Variants in SLC25A35 observed in about 807,000 individuals in gnomAD.
SLC25A35 encodes the protein solute carrier family 25, member 35.
In SLC25A35, 32 loss-of-function variants were observed where a neutral mutation model predicts 30.5. That is an observed-to-expected ratio of 1.05 (90% CI 0.79 to 1.41). The LOEUF (loss-of-function observed/expected upper bound fraction) is 1.41. Among genes scored for constraint, SLC25A35 ranks in the 40% most tolerant of loss-of-function variants. The pLI, the probability that SLC25A35 is intolerant of heterozygous loss-of-function variation, is 0.00. For synonymous variants in SLC25A35, 142 were observed against 158.1 expected (o/e 0.90, Z 0.77); for missense variants, 369 against 388.0 (o/e 0.95, Z 0.41).
chr17:8,291,388 G>A lies in SLC25A35; in HGVS notation c.539C>T (p.Ser180Phe). Residue 180 changes from serine to phenylalanine, a missense_variant, in exon 3 of 5, where the codon TCC (serine) becomes TTC (phenylalanine). Coordinates refer to ENST00000577745, the MANE Select transcript of SLC25A35 (RefSeq NM_001320870.2). ...TGAGAAGGTGCACAGCTGGGTGGAG[G>A]AACCGACGATAACTCGGGGCAGGCC... The part of the protein sequence containing the change: ...LGGLPRVIVG[S>F]STQLCTFSST... 11 of 1,614,134 alleles carry A rather than the reference G, an allele frequency of 6.8e-6. No individual in the cohort carries two copies. Among genetic ancestry groups the A allele is most frequent in the Non-Finnish European group, 9.3e-6 (11 of 1,180,032 alleles).
At chr17:8,289,304 C>T (rs1990291442), downstream of SLC25A35, 1 of 1,614,046 alleles carries the variant, frequency 6.2e-7, no homozygotes, top group South Asian at 1.1e-5. Flanking sequence ...TAGGGCTGTC[C>T]ATGTGGAGTC....
rs1450059874 is a variant in SLC25A35 at position 8,291,350 on chromosome 17, G to T, written c.577C>A (p.Leu193Ile). ...QLCTFSSTKD[L>I]LSQWEIFPPQ... ...GGCAGTACCTCCCACTGGCTCAGGA[G>T]GTCCTTGGTGGATGAGAAGGTGCAC... The change falls in exon 3 of 5, where the codon CTC becomes ATC. Residue 193 changes from leucine to isoleucine, a missense_variant. Leu to Ile is a conservative substitution (Grantham distance 5, BLOSUM62 2). Coordinates refer to ENST00000577745, the MANE Select transcript of SLC25A35 (RefSeq NM_001320870.2). 6.2e-7 allele frequency: 1 copy of T among 1,614,072 alleles called. No homozygotes were observed. The highest frequency in any genetic ancestry group is 8.5e-7 in the Non-Finnish European group (1 of 1,180,046).
At chr17:8,289,663 G>A (rs750928760), downstream of SLC25A35, 1 of 1,606,356 alleles carries the variant, frequency 6.2e-7, no homozygotes, top group African/African-American at 1.3e-5. Flanking sequence ...ACAGAACAGG[G>A]AGACTCACTG....
In SLC25A35 at chr17:8,290,540, G is replaced by C; in HGVS notation, c.868C>G (p.Gln290Glu). 2 of 1,536,112 alleles carry C rather than the reference G, an allele frequency of 1.3e-6. No homozygotes were observed. The highest frequency in any genetic ancestry group is 8.7e-7 in the Non-Finnish European group (1 of 1,146,880). ...TCTGTGTAGTAGAGGGAGCGCAGCT[G>C]GTCCCAGAAGAAGAGGGAGAGGATG... is the stretch of plus-strand genomic sequence containing the variant. ...HTILSLFFWD[Q>E]LRSLYYTDTK The change falls in exon 5 of 5, where the codon CAG becomes GAG. Residue 290 changes from glutamine to glutamate, a missense_variant. Coordinates refer to ENST00000577745, the MANE Select transcript of SLC25A35 (RefSeq NM_001320870.2).
At chr17:8,291,085 A>C in intron 3 of SLC25A35, 109 bp from the exon 4 acceptor site, 1 of 1,457,392 alleles carries the variant, frequency 6.9e-7, no homozygotes, top group Non-Finnish European at 9.4e-7. Flanking sequence ...GGGAGCTTCC[A>C]CTGCACCAGT....
In SLC25A35 at chr17:8,292,490, G is replaced by A. The variant is rs762406983; in HGVS notation, c.441+33C>T. On this transcript the variant is annotated intron_variant, in intron 2 of 4. Transcript: ENST00000577745. ...AAGCTAGGGGAAAAGAGAAAGGATG[G>A]TCAGGGACTTTGGCAGACTTGGGAA... is the stretch of plus-strand genomic sequence containing the variant. 6 of 1,606,894 alleles carry A rather than the reference G, an allele frequency of 3.7e-6. No individual in the cohort carries two copies. The Admixed American group carries it at 1.0e-4, about 27-fold the overall frequency.
chr17:8,294,544 C>T lies in SLC25A35; in HGVS notation c.264G>A (p.Glu88=), dbSNP rs1322418462. ...CGGCTGTGTGCAGGTAGCCCCCAGC[C>T]TCAGCCAGCCCATAGGTGCCCAGTC... ...GIRLGTYGLA[E]AGGYLHTAEG... is the part of the protein sequence containing the mutation. The change falls in exon 1 of 5, where the codon GAG becomes GAA. Residue 88 remains glutamate, a synonymous_variant. Coordinates refer to ENST00000577745, the MANE Select transcript of SLC25A35 (RefSeq NM_001320870.2). The T allele has an allele frequency of 1.9e-6, 3 of 1,613,970 alleles. No homozygotes were observed. The Admixed American group carries it at 5.0e-5, about 27-fold the overall frequency.
intron 1 of SLC25A35, among the ~76,000 whole-genome samples, chr17:8,293,938 C>G (rs1473081149): frequency 1.6e-5 from 2 of 127,722 alleles, no homozygotes; most frequent in Non-Finnish European, 3.1e-5. Context: ...TTTTGTGAGA[C>G]GTAGCCTTGC....
In SLC25A35 at chr17:8,295,232, G is replaced by A. The variant is rs924348277; in HGVS notation, c.-425C>T. ...AGTGAGAGAAGAAAAGGATCCGGGA[G>A]AAGAGCCGGTGATTTCCTCGAGCCA... On this transcript the variant is annotated 5_prime_UTR_variant, in exon 1 of 5. Coordinates refer to ENST00000577745, the MANE Select transcript of SLC25A35 (RefSeq NM_001320870.2). 8 of 992,630 alleles carry A rather than the reference G, an allele frequency of 8.1e-6. No individual in the cohort carries two copies. Among genetic ancestry groups the A allele is most frequent in the East Asian group, 2.2e-4 (2 of 9,062 alleles). The allele number at this position is 992,630 out of a possible 1,614,324, so 61.5% of individuals were successfully genotyped here. A position where few individuals can be genotyped will look rare whatever the true frequency, so the allele number is the denominator to read the frequency against.
In SLC25A35 at chr17:8,295,383, C is replaced by G. The variant is rs532057806; in HGVS notation, c.-576G>C. ...CCCGGGTAGCCTGCGGAGGCCGGGC[C>G]GCCACACTCCTGCCACTGGAGCGCG... On this transcript the variant is annotated 5_prime_UTR_variant, in exon 1 of 5. Coordinates refer to ENST00000577745, the MANE Select transcript of SLC25A35 (RefSeq NM_001320870.2). The G allele has an allele frequency of 1.5e-3, 1,449 of 984,768 alleles. 4 individuals carry two copies. The highest frequency in any genetic ancestry group is 4.7e-3 in the South Asian group (99 of 21,276). 61.0% of individuals were successfully genotyped at this position (984,768 alleles called of 1,614,324 possible). A position where few individuals can be genotyped will look rare whatever the true frequency, so the allele number is the denominator to read the frequency against.
Position 8,292,407 on chromosome 17 carries a change from A to G in SLC25A35, c.441+116T>C, listed in dbSNP as rs1990574788. Reference sequence around the variant, plus strand: ...GTAGACTCCAGGGGCAAAATGGGACAGAACCGATGGGTTGAGCAGAGCAGT... The same window carrying G: ...GTAGACTCCAGGGGCAAAATGGGACGGAACCGATGGGTTGAGCAGAGCAGT... On this transcript the variant is annotated intron_variant, in intron 2 of 4. Coordinates refer to ENST00000577745, the MANE Select transcript of SLC25A35 (RefSeq NM_001320870.2). 2.9e-6 allele frequency: 3 copies of G among 1,027,332 alleles called. No individual in the cohort carries two copies. In the Admixed American group the frequency reaches 5.3e-5, roughly 18 times the overall value. 63.6% of individuals were successfully genotyped at this position (1,027,332 alleles called of 1,614,324 possible).
rs778947271 is a variant in SLC25A35 at position 8,290,836 on chromosome 17, C to T, written c.729+6G>A. ...TTCCCGCCTGCATCCCAGAGCACTT[C>T]CTTACCTTGCCCTGTGCATCTGTGG... On this transcript the variant is annotated splice_donor_region_variant and intron_variant, in intron 4 of 4. Transcript: ENST00000577745. The T allele has an allele frequency of 2.7e-5, 44 of 1,613,376 alleles. No homozygotes were observed. The highest frequency in any genetic ancestry group is 3.4e-5 in the Non-Finnish European group (40 of 1,179,550).
chr17:8,293,767 G>T (rs979497319), intron 1 of SLC25A35, among the ~76,000 whole-genome samples: 1 of 150,296 alleles, frequency 6.7e-6, no homozygotes, highest in African/African-American at 2.4e-5. Context: ...TAGCCAGGAT[G>T]GTCTCCATCT....
chr17:8,289,809 C>G (rs373168497), downstream of SLC25A35: 5 of 1,613,700 alleles, frequency 3.1e-6, no homozygotes, highest in African/African-American at 6.7e-5. Context: ...TCCCCCACCC[C>G]AAGCCCTGAC....
chr17:8,288,582 CGGAGCAAA>C (rs1260346546), downstream of SLC25A35: 1 of 639,084 alleles, frequency 1.6e-6, no homozygotes, highest in African/African-American at 1.8e-5. Flanking sequence ...GCGCGGCTTC[CGGAGCAAA>C]GCCGCTGACC....
chr17:8,293,580 C>G (rs1990650332), intron 1 of SLC25A35, among the ~76,000 whole-genome samples: 1 of 143,248 alleles, frequency 7.0e-6, no homozygotes, highest in Non-Finnish European at 1.5e-5. Context: ...GAGACGGAGT[C>G]TCTCTCTCTG....
rs1990367911 is a variant in SLC25A35 at position 8,290,111 on chromosome 17, T to C, written c.*394A>G. Reference sequence around the variant, plus strand: ...AATATAATCTCTGTGCCTTTGAATCTAACAGGACACCTGGGTCCCAGACGC... The same window carrying C: ...AATATAATCTCTGTGCCTTTGAATCCAACAGGACACCTGGGTCCCAGACGC... On this transcript the variant is annotated 3_prime_UTR_variant, in exon 5 of 5. Transcript: ENST00000577745. The C allele has an allele frequency of 6.7e-7, 1 of 1,490,504 alleles. No homozygotes were observed. The highest frequency in any genetic ancestry group is 1.4e-5 in the South Asian group (1 of 71,784). The allele number at this position is 1,490,504 out of a possible 1,614,324, so 92.3% of individuals were successfully genotyped here. A position where few individuals can be genotyped will look rare whatever the true frequency, so the allele number is the denominator to read the frequency against.
downstream of SLC25A35, chr17:8,288,984 G>C (rs1990256573): frequency 1.2e-6 from 2 of 1,614,174 alleles, no homozygotes; most frequent in East Asian, 4.5e-5. Flanking sequence ...GGACAATCAA[G>C]AAGTTTTCTG....
At chr17:8,288,693 G>A, downstream of SLC25A35, 8 of 1,368,660 alleles carry the variant, frequency 5.8e-6, no homozygotes, top group South Asian at 9.3e-5. Flanking sequence ...GACCCGGGTG[G>A]CGGTGGCAGC....
Sources: allele counts gnomAD v4.1 joint callset (sites outside exome capture counted in the v4.1 genomes callset), GRCh38; gene constraint gnomAD v4.1.1; transcripts MANE v1.5; gene names NCBI Gene and HGNC (gene_info 2026-07-23, HGNC 2026-07-21).